ARPP21: variants seen among roughly 807,000 people sequenced by gnomAD.
ARPP21 encodes cAMP-regulated phosphoprotein 21.
Under a neutral mutation model 113.2 loss-of-function variants are expected in ARPP21, and 69 were observed. The observed-to-expected ratio is 0.61, with a 90% CI of 0.50 to 0.74. ARPP21 has a LOEUF of 0.74. Ranked by LOEUF, ARPP21 falls within the 30% of genes least tolerant of loss-of-function variation. The pLI, the probability that ARPP21 is intolerant of heterozygous loss-of-function variation, is 0.00. For synonymous variants in ARPP21, 368 were observed against 375.5 expected, an observed-to-expected ratio of 0.98 and a Z score of 0.23; for missense variants, 1,070 against 1,037.4, an observed-to-expected ratio of 1.03 and a Z score of -0.43.
chr3:35,705,373 C>T (rs1489563026), intron 9 of ARPP21, among the ~76,000 whole-genome samples: 1 of 152,164 alleles, frequency 6.6e-6, no homozygotes, highest in Admixed American at 6.6e-5. Flanking sequence ...AATTTCTCTA[C>T]TGTAAATGGC....
At chr3:35,722,052 T>C (rs940917998) in intron 14 of ARPP21, among the ~76,000 whole-genome samples, 2 of 152,188 alleles carry the variant, frequency 1.3e-5, no homozygotes, top group African/African-American at 4.8e-5. Context: ...AGTTTTCTTA[T>C]CTATAAAATG....
chr3:35,711,461 T>C (rs1286769814), intron 11 of ARPP21, among the ~76,000 whole-genome samples: 1 of 152,364 alleles, frequency 6.6e-6, no homozygotes, highest in Middle Eastern at 3.4e-3. Context: ...GCTAGAGATA[T>C]GCAATCATAC....
intron 9 of ARPP21, among the ~76,000 whole-genome samples, chr3:35,699,536 A>T (rs952371693): frequency 2.0e-5 from 3 of 151,786 alleles, no homozygotes; most frequent in Non-Finnish European, 4.4e-5. Flanking sequence ...AACACATTTT[A>T]TCCCACAACC....
At chr3:35,659,305 T>A (rs1159269432) in intron 1 of ARPP21, among the ~76,000 whole-genome samples, 1 of 152,144 alleles carries the variant, frequency 6.6e-6, no homozygotes, top group African/African-American at 2.4e-5. Context: ...AAGCTCAGAT[T>A]TTTTGGTTAA....
At chr3:35,706,149 C>T (rs967986597) in intron 9 of ARPP21, among the ~76,000 whole-genome samples, 3 of 152,070 alleles carry the variant, frequency 2.0e-5, no homozygotes, top group Admixed American at 2.0e-4. Flanking sequence ...ACTGTCTAAA[C>T]CAGAAACAAA....
At chr3:35,717,625 A>G (rs943905355) in intron 13 of ARPP21, among the ~76,000 whole-genome samples, 14 of 151,882 alleles carry the variant, frequency 9.2e-5, no homozygotes, top group African/African-American at 3.4e-4. Flanking sequence ...CACTGTTTTG[A>G]TTTTCCCAAA....
chr3:35,764,013 C>A (rs1003514000), intron 19 of ARPP21, among the ~76,000 whole-genome samples: 4 of 151,900 alleles, frequency 2.6e-5, no homozygotes, highest in African/African-American at 9.7e-5. Context: ...AACAAACAAA[C>A]AACCATACAA....
intron 18 of ARPP21, among the ~76,000 whole-genome samples, chr3:35,742,088 C>A (rs1368951088): frequency 6.6e-6 from 1 of 152,118 alleles, no homozygotes; most frequent in Non-Finnish European, 1.5e-5. Context: ...AACCATTAGT[C>A]CTCATCAGAA....
At chr3:35,776,367 C>T (rs962207278) in intron 19 of ARPP21, among the ~76,000 whole-genome samples, 1 of 152,098 alleles carries the variant, frequency 6.6e-6, no homozygotes, top group Non-Finnish European at 1.5e-5. Context: ...TACTGAGAAG[C>T]CCTGTAATAG....
At chr3:35,688,829 G>A (rs2081370921) in intron 6 of ARPP21, among the ~76,000 whole-genome samples, 1 of 151,272 alleles carries the variant, frequency 6.6e-6, no homozygotes, top group African/African-American at 2.4e-5. Context: ...AATATTTAGT[G>A]TCCTCCTGTA....
intron 15 of ARPP21, among the ~76,000 whole-genome samples, chr3:35,732,404 A>G (rs918625859): frequency 1.3e-5 from 2 of 152,042 alleles, no homozygotes; most frequent in African/African-American, 4.8e-5. Flanking sequence ...CTAACTTAGG[A>G]CCTCTTGCCT....
intron 19 of ARPP21, chr3:35,774,768 C>G (rs530192968): frequency 6.6e-6 from 1 of 152,204 alleles, no homozygotes; most frequent in Non-Finnish European, 1.5e-5. Context: ...GAGAAAGTTT[C>G]AGAGAAATTT....
At chr3:35,670,733 A>T (rs968202166) in intron 1 of ARPP21, among the ~76,000 whole-genome samples, 3 of 152,136 alleles carry the variant, frequency 2.0e-5, no homozygotes, top group Non-Finnish European at 4.4e-5. Flanking sequence ...ATTGAAAAAA[A>T]AGAAAAACAC....
chr3:35,764,648 G>A (rs1480555486), intron 19 of ARPP21, among the ~76,000 whole-genome samples: 1 of 152,070 alleles, frequency 6.6e-6, no homozygotes, highest in East Asian at 1.9e-4. Flanking sequence ...GTTTTCTTTG[G>A]TCACAAAAGA....
intron 6 of ARPP21, 46 bp downstream of exon 6, chr3:35,687,929 C>T (rs2081084947): frequency 6.5e-7 from 1 of 1,537,040 alleles, no homozygotes; most frequent in Non-Finnish European, 8.8e-7. Flanking sequence ...TGGGCACACA[C>T]ATAGTCACAG....
chr3:35,784,950 T>G (rs544829116), intron 19 of ARPP21: 1 of 152,134 alleles, frequency 6.6e-6, no homozygotes, highest in African/African-American at 2.4e-5. Context: ...CCTGTAGCCA[T>G]GCAACAGTGA....
intron 9 of ARPP21, among the ~76,000 whole-genome samples, chr3:35,702,795 T>C (rs935570677): frequency 6.6e-6 from 1 of 151,796 alleles, no homozygotes; most frequent in African/African-American, 2.4e-5. Flanking sequence ...ATAATGCAAA[T>C]TGTGAGATAC....
chr3:35,781,570 C>T (rs1467519508), intron 19 of ARPP21: 1 of 152,168 alleles, frequency 6.6e-6, no homozygotes, highest in Non-Finnish European at 1.5e-5. Context: ...TTGTCTCAAG[C>T]CAGACAATAC....
intron 19 of ARPP21, chr3:35,744,460 A>C (rs745460664): frequency 3.8e-6 from 2 of 528,252 alleles, no homozygotes; most frequent in South Asian, 2.8e-5. Flanking sequence ...CCTCCTGCCC[A>C]GAGCCCGGCA....
Sources: allele counts gnomAD v4.1 joint callset (sites outside exome capture counted in the v4.1 genomes callset), GRCh38; gene constraint gnomAD v4.1.1; transcripts MANE v1.5; gene names NCBI Gene and HGNC (gene_info 2026-07-23, HGNC 2026-07-21).